Variants in ENOX2 observed in about 807,000 individuals in gnomAD.
ENOX2 encodes APK1 antigen.
ENOX2 carries 36 observed loss-of-function variants against 45.0 expected under a neutral mutation model. The ratio of observed to expected loss-of-function variants is 0.80; its 90% CI spans 0.61 to 1.06. The LOEUF is 1.06. Among genes scored for constraint, ENOX2 ranks in the 50% least tolerant of loss-of-function variants. The probability of loss-of-function intolerance (pLI) is 0.00; values close to 1 mark genes in which losing one functional copy is unlikely to be tolerated. For missense variants in ENOX2, 423 were observed against 462.5 expected, an observed-to-expected ratio of 0.91 and a Z score of 0.78; for synonymous variants, 174 against 152.3, an observed-to-expected ratio of 1.14 and a Z score of -1.05.
intron 2 of ENOX2, among the ~76,000 whole-genome samples, chrX:130,810,158 C>T (rs945665115): frequency 4.8e-4 from 53 of 110,714 alleles, no homozygotes; most frequent in African/African-American, 1.7e-3. Context: ...GAGCACCAGA[C>T]GTTACCTTGG....
At chrX:130,674,547 G>A (rs1253512778) in intron 6 of ENOX2, among the ~76,000 whole-genome samples, 1 of 111,126 alleles carries the variant, frequency 9.0e-6, no homozygotes, top group African/African-American at 3.3e-5. Flanking sequence ...CCCCAAGCAC[G>A]AGAAACAAGA....
At chrX:130,783,844 T>C (rs2076928096) in intron 2 of ENOX2, among the ~76,000 whole-genome samples, 154 bp from the exon 3 acceptor site, 1 of 112,169 alleles carries the variant, frequency 8.9e-6, no homozygotes, top group South Asian at 3.8e-4. Flanking sequence ...CTTCTGTAAT[T>C]TTTACAGATC....
At chrX:130,778,306 T>C (rs1357089864) in intron 3 of ENOX2, among the ~76,000 whole-genome samples, 1 of 112,117 alleles carries the variant, frequency 8.9e-6, no homozygotes, top group South Asian at 3.7e-4. Flanking sequence ...CTGATAATAG[T>C]TCTTCTTTAT....
At position 130,703,512 on chromosome X, in the gene ENOX2, T is replaced by TTCTCTC. The variant is rs59009662; in HGVS notation, c.-38-264_-38-259dup. Among the ~76,000 whole-genome samples, 619 of 105,473 alleles carry TTCTCTC rather than the reference T, an allele frequency of 5.9e-3. 6 individuals carry two copies. Among genetic ancestry groups the TTCTCTC allele is most frequent in the African/African-American group, 0.02 (581 of 28,822 alleles). The allele number at this position is 105,473 out of a possible 115,157, so 91.6% of individuals were successfully genotyped here. On this transcript the variant is annotated intron_variant, in intron 3 of 14. Transcript: ENST00000394363. ...TTCCTTCCTTCTCTCCCTTTCTTCC[T>TTCTCTC]TCTCTCTCTCTCTCTCTCTCTCTCT...
intron 3 of ENOX2, among the ~76,000 whole-genome samples, chrX:130,703,741 A>G (rs1203012866): frequency 8.9e-6 from 1 of 111,984 alleles, no homozygotes; most frequent in African/African-American, 3.2e-5. Context: ...TCTTTGAAGC[A>G]GTACTATTGA....
chrX:130,720,898 T>C (rs754751356), intron 3 of ENOX2, among the ~76,000 whole-genome samples: 17 of 111,824 alleles, frequency 1.5e-4, no homozygotes, highest in Middle Eastern at 4.2e-3. Flanking sequence ...TGGTTTGGCA[T>C]ACTGGTTAGA....
intron 3 of ENOX2, among the ~76,000 whole-genome samples, chrX:130,711,051 T>G (rs1318245379): frequency 4.5e-5 from 5 of 111,504 alleles, no homozygotes; most frequent in Non-Finnish European, 7.5e-5. Context: ...ATTCGAGAAG[T>G]ATTTGTTGTG....
intron 2 of ENOX2, among the ~76,000 whole-genome samples, chrX:130,847,931 G>A (rs2078139478): frequency 8.9e-6 from 1 of 111,826 alleles, no homozygotes; most frequent in African/African-American, 3.3e-5. Context: ...AATAACCCCA[G>A]TTTCAAAGCT....
intron 3 of ENOX2, among the ~76,000 whole-genome samples, chrX:130,768,332 A>G (rs1374256734): frequency 9.0e-6 from 1 of 111,283 alleles, no homozygotes; most frequent in Non-Finnish European, 1.9e-5. Flanking sequence ...CTCCCTGTAA[A>G]TGTTTTTTGT....
At chrX:130,712,250 G>A (rs997760011) in intron 3 of ENOX2, among the ~76,000 whole-genome samples, 2 of 112,073 alleles carry the variant, frequency 1.8e-5, no homozygotes, top group Non-Finnish European at 3.8e-5. Flanking sequence ...ATTACAGTAA[G>A]TAGCTAGCCA....
chrX:130,654,230 A>C (rs1254664459), intron 10 of ENOX2, among the ~76,000 whole-genome samples: 1 of 112,160 alleles, frequency 8.9e-6, no homozygotes, highest in East Asian at 2.8e-4. Context: ...TGTGTACATC[A>C]GTCCTTTCTT....
At chrX:130,627,590 A>AG (rs1190826914) in intron 14 of ENOX2, among the ~76,000 whole-genome samples, 1 of 111,572 alleles carries the variant, frequency 9.0e-6, no homozygotes, top group Non-Finnish European at 1.9e-5. Flanking sequence ...CAAAAAAAAA[A>AG]GTTTGGTGGG....
chrX:130,860,161 T>C (rs1440105855), intron 2 of ENOX2, among the ~76,000 whole-genome samples: 1 of 111,146 alleles, frequency 9.0e-6, no homozygotes, highest in Non-Finnish European at 1.9e-5. Context: ...TTCGCCATGT[T>C]GGCCAGGCTG....
At chrX:130,824,207 A>G (rs1274386614) in intron 2 of ENOX2, among the ~76,000 whole-genome samples, 2 of 111,848 alleles carry the variant, frequency 1.8e-5, no homozygotes, top group Non-Finnish European at 3.8e-5. Flanking sequence ...TTATTGCAGA[A>G]AAAAACACAA....
intron 3 of ENOX2, among the ~76,000 whole-genome samples, chrX:130,709,672 GA>G (rs2038134750): frequency 9.6e-6 from 1 of 103,694 alleles, no homozygotes; most frequent in Non-Finnish European, 2.0e-5. Context: ...AAAAGAAAAA[GA>G]AAAAAGAAAA....
chrX:130,722,545 A>T (rs1210409533), intron 3 of ENOX2, among the ~76,000 whole-genome samples: 1 of 112,011 alleles, frequency 8.9e-6, no homozygotes, highest in Admixed American at 9.5e-5. Flanking sequence ...TGTATCTTGA[A>T]ATCTGTCTTG....
At chrX:130,862,386 T>C (rs1287780076) in intron 2 of ENOX2, among the ~76,000 whole-genome samples, 1 of 111,459 alleles carries the variant, frequency 9.0e-6, no homozygotes, top group African/African-American at 3.3e-5. Context: ...AAATGTCCCT[T>C]CTCAATGAGG....
At chrX:130,688,241 C>T (rs2037497717) in intron 5 of ENOX2, among the ~76,000 whole-genome samples, 1 of 112,395 alleles carries the variant, frequency 8.9e-6, no homozygotes, top group African/African-American at 3.2e-5. Flanking sequence ...CCTATCTTTA[C>T]ACATGTTTTA....
At chrX:130,793,531 G>C (rs1450164146) in intron 2 of ENOX2, among the ~76,000 whole-genome samples, 3 of 111,898 alleles carry the variant, frequency 2.7e-5, no homozygotes, top group African/African-American at 6.5e-5. Flanking sequence ...AAATCTTTCA[G>C]GAATGCTCTG....
Sources: allele counts gnomAD v4.1 joint callset (sites outside exome capture counted in the v4.1 genomes callset), GRCh38; gene constraint gnomAD v4.1.1; transcripts MANE v1.5; gene names NCBI Gene and HGNC (gene_info 2026-07-23, HGNC 2026-07-21).